The following IGF2 variants were observed in gnomAD, a reference collection of about 807,000 sequenced individuals.
The protein encoded by IGF2 is insulin like growth factor 2.
IGF2 carries 2 observed loss-of-function variants against 12.0 expected under a neutral mutation model. That is an observed-to-expected ratio of 0.17 (90% CI 0.07 to 0.52). The LOEUF is 0.52. Among genes scored for constraint, IGF2 ranks in the 20% least tolerant of loss-of-function variants. The pLI, the probability that IGF2 is intolerant of heterozygous loss-of-function variation, is 0.95. For missense variants in IGF2, 211 were observed against 268.0 expected, an observed-to-expected ratio of 0.79 and a Z score of 1.48; for synonymous variants, 105 against 110.1, an observed-to-expected ratio of 0.95 and a Z score of 0.29.
upstream of IGF2, among the ~76,000 whole-genome samples, chr11:2,142,630 G>C (rs142254022): frequency 1.7e-3 from 261 of 152,280 alleles, 1 homozygote; most frequent in African/African-American, 6.0e-3. The surrounding 1 kb of genome is among the most constrained non-coding windows in gnomAD (Gnocchi z 5.7). Context: ...GTGTGATCCT[G>C]GCCGTTGGGG....
Position 2,131,173 on chromosome 11 carries a change from C to A in IGF2, c.*1814G>T. The A allele has an allele frequency of 4.3e-6, 1 of 233,292 alleles. No homozygotes were observed. Among genetic ancestry groups the A allele is most frequent in the East Asian group, 6.0e-5 (1 of 16,588 alleles). The allele number at this position is 233,292 out of a possible 1,614,324, so 14.5% of individuals were successfully genotyped here. ...GTCATGGTGGAAAGATGGAATTAGG[C>A]CTGGGACACACCCCGCCCACCCTAC... On this transcript the variant is annotated 3_prime_UTR_variant, in exon 4 of 4. Transcript: ENST00000416167.
At chr11:2,149,141 T>TGCGAAGTCCCC in the IGF2 span, 1 of 1,613,388 alleles carries the variant, frequency 6.2e-7, no homozygotes, top group African/African-American at 1.3e-5. Context: ...CTCTAGTCCC[T>TGCGAAGTCCCC]GCGCAGTCCC....
upstream of IGF2, among the ~76,000 whole-genome samples, chr11:2,142,994 A>G (rs1027234357): frequency 3.3e-5 from 5 of 152,162 alleles, no homozygotes; most frequent in Non-Finnish European, 5.9e-5. The surrounding 1 kb of genome is among the most constrained non-coding windows in gnomAD (Gnocchi z 5.7). Context: ...CAGGCAGCAT[A>G]TAGAGCCATA....
chr11:2,140,144 C>T (rs1309173292), upstream of IGF2: 3 of 1,612,880 alleles, frequency 1.9e-6, no homozygotes, highest in East Asian at 4.5e-5. Context: ...CCTGCATGGC[C>T]GAGCTCACCG....
intron 1 of IGF2, 60 bp from the exon 2 acceptor site, chr11:2,135,589 T>C: frequency 1.3e-6 from 2 of 1,511,080 alleles, no homozygotes; most frequent in Non-Finnish European, 1.8e-6. Context: ...AGGCCAGAGG[T>C]GCCCCTCCCA....
rs1858760311 is a variant in IGF2 at position 2,133,431 on chromosome 11, G to A, written c.306+86C>T. ...CACGGGTCCTTGTCCCTGGCCAAGA[G>A]GTCCCAGAGGCCACAGGAAACGCTG... On this transcript the variant is annotated intron_variant, in intron 3 of 3. Coordinates refer to ENST00000416167, the MANE Select transcript of IGF2 (RefSeq NM_000612.6). This position sits in a 1 kb window ranked among gnomAD's most constrained non-coding sequence, Gnocchi z 8.9. 7.0e-7 allele frequency: 1 copy of A among 1,428,658 alleles called. No individual in the cohort carries two copies. Among genetic ancestry groups the A allele is most frequent in the Non-Finnish European group, 9.4e-7 (1 of 1,062,878 alleles). The allele number at this position is 1,428,658 out of a possible 1,614,324, so 88.5% of individuals were successfully genotyped here. A position where few individuals can be genotyped will look rare whatever the true frequency, so the allele number is the denominator to read the frequency against.
rs117486875 is a variant in IGF2, at chr11:2,131,347, C to G, written c.*1640G>C. On this transcript the variant is annotated 3_prime_UTR_variant, in exon 4 of 4. Transcript: ENST00000416167. ...CCATGAAAACATTGGAGAATCTTAG[C>G]GGGACTTTGGCCTGATCCATACAGA... 3 of 233,196 alleles carry G rather than the reference C, an allele frequency of 1.3e-5. No individual in the cohort carries two copies. The East Asian group carries it at 1.8e-4, about 14-fold the overall frequency. 14.4% of individuals were successfully genotyped at this position (233,196 alleles called of 1,614,324 possible).
At chr11:2,144,795 G>A (rs913638650), upstream of IGF2, among the ~76,000 whole-genome samples, 31 of 152,180 alleles carry the variant, frequency 2.0e-4, no homozygotes, top group Middle Eastern at 3.4e-3. Flanking sequence ...CAGAGAGGGG[G>A]CACCGCTGGG....
chr11:2,148,088 T>A, the IGF2 span: 1 of 337,248 alleles, frequency 3.0e-6, no homozygotes. This position sits in a 1 kb window ranked among gnomAD's most constrained non-coding sequence, Gnocchi z 4.3. Context: ...CAGGCTGCCC[T>A]GTTCCTGGGT....
intron 1 of IGF2, among the ~76,000 whole-genome samples, chr11:2,137,773 T>A (rs1360923785): frequency 6.6e-6 from 1 of 152,164 alleles, no homozygotes; most frequent in Non-Finnish European, 1.5e-5. Context: ...CTCTCCATCC[T>A]GGCCCCGCCC....
In IGF2 at chr11:2,130,435, T is replaced by A. The variant is rs907748176; in HGVS notation, c.*2552A>T. 4.4e-6 allele frequency: 1 copy of A among 225,356 alleles called. No individual in the cohort carries two copies. 14.0% of individuals were successfully genotyped at this position (225,356 alleles called of 1,614,324 possible). A position where few individuals can be genotyped will look rare whatever the true frequency, so the allele number is the denominator to read the frequency against. ...CAACAGGGACAGATGAAAAACAAAA[T>A]CCAATCAGGGCGATAAATGGCGGGG... On this transcript the variant is annotated 3_prime_UTR_variant, in exon 4 of 4. Transcript: ENST00000416167.
At position 2,138,387 on chromosome 11, in the gene IGF2, T is replaced by G. The variant is rs1859249613; in HGVS notation, c.-165A>C. ...GGCAGAGCGGGGGGATGGCTTTTTT[T>G]TGGGGGGGGGGGGAGAATTCGTCTG... On this transcript the variant is annotated 5_prime_UTR_variant, in exon 1 of 4. Transcript: ENST00000416167. 7 of 306,558 alleles carry G rather than the reference T, an allele frequency of 2.3e-5. No homozygotes were observed. Among genetic ancestry groups the G allele is most frequent in the Admixed American group, 2.6e-4 (2 of 7,698 alleles). 19.0% of individuals were successfully genotyped at this position (306,558 alleles called of 1,614,324 possible). A position where few individuals can be genotyped will look rare whatever the true frequency, so the allele number is the denominator to read the frequency against.
intron 1 of IGF2, 39 bp from the exon 2 acceptor site, chr11:2,135,568 G>C (rs900402155): frequency 6.3e-7 from 1 of 1,587,054 alleles, no homozygotes. Flanking sequence ...GGGGCAGCCA[G>C]GCCAAGCCCC....
chr11:2,140,885 G>T, upstream of IGF2: 3 of 371,226 alleles, frequency 8.1e-6, no homozygotes, highest in South Asian at 1.9e-5. Flanking sequence ...GTCCGCGGGC[G>T]CACCAGGAGC....
At chr11:2,137,537 G>T (rs1402919893) in intron 1 of IGF2, among the ~76,000 whole-genome samples, 2 of 151,822 alleles carry the variant, frequency 1.3e-5, no homozygotes, top group East Asian at 1.9e-4. Flanking sequence ...GAAGGGGGGG[G>T]GGGTCTCCTT....
chr11:2,140,968 A>G (rs760012394), upstream of IGF2: 7 of 295,188 alleles, frequency 2.4e-5, no homozygotes, highest in Admixed American at 5.4e-5. Flanking sequence ...CCCCGGGGCC[A>G]GTCCTCAGTG....
chr11:2,132,825 G>A lies in IGF2; in HGVS notation c.*162C>T. The A allele has an allele frequency of 5.0e-6, 3 of 596,854 alleles. No homozygotes were observed. The highest frequency in any genetic ancestry group is 8.9e-6 in the Non-Finnish European group (3 of 338,282). 37.0% of individuals were successfully genotyped at this position (596,854 alleles called of 1,614,324 possible). A position where few individuals can be genotyped will look rare whatever the true frequency, so the allele number is the denominator to read the frequency against. ...AGCCCGATGGAGGGGGCCGAGGAGA[G>A]TAGCCTGTTTCGGGGAGGCGGGGCA... On this transcript the variant is annotated 3_prime_UTR_variant, in exon 4 of 4. Coordinates refer to ENST00000416167, the MANE Select transcript of IGF2 (RefSeq NM_000612.6).
chr11:2,133,245 C>T lies in IGF2; in HGVS notation c.307-22G>A. The T allele has an allele frequency of 6.8e-7, 1 of 1,460,380 alleles. No individual in the cohort carries two copies. Among genetic ancestry groups the T allele is most frequent in the South Asian group, 1.3e-5 (1 of 75,336 alleles). 90.5% of individuals were successfully genotyped at this position (1,460,380 alleles called of 1,614,324 possible). On this transcript the variant is annotated intron_variant, in intron 3 of 3. Transcript: ENST00000416167. The surrounding 1 kb of genome is among the most constrained non-coding windows in gnomAD (Gnocchi z 8.9). ...TGTCCTGGGAGGGGAAGGGGCTGGT[C>T]AGCAGGTGCCTGCTCTCCACGCTCT...
rs911733013 is a variant in IGF2 at position 2,129,734 on chromosome 11, G to A, written c.*3253C>T. On this transcript the variant is annotated 3_prime_UTR_variant, in exon 4 of 4. Coordinates refer to ENST00000416167, the MANE Select transcript of IGF2 (RefSeq NM_000612.6). The surrounding 1 kb of genome is among the most constrained non-coding windows in gnomAD (Gnocchi z 8.1). ...CGACCCCCGGGGTCATGCCAGCCCC[G>A]TCACCAGGACCCAGAAGCCTCAGGC... 2.6e-5 allele frequency: 6 copies of A among 231,762 alleles called. No individual in the cohort carries two copies. Among genetic ancestry groups the A allele is most frequent in the Non-Finnish European group, 4.3e-5 (5 of 117,002 alleles). The allele number at this position is 231,762 out of a possible 1,614,324, so 14.4% of individuals were successfully genotyped here.
Sources: allele counts gnomAD v4.1 joint callset (sites outside exome capture counted in the v4.1 genomes callset), GRCh38; gene constraint gnomAD v4.1.1; non-coding constraint Gnocchi (gnomAD v3.1); transcripts MANE v1.5; gene names NCBI Gene and HGNC (gene_info 2026-07-23, HGNC 2026-07-21).